GALNT1: variants seen among roughly 807,000 people sequenced by gnomAD.
The protein encoded by GALNT1 is GalNAc transferase 1.
In GALNT1, 17 loss-of-function variants were observed where a neutral mutation model predicts 65.7. The ratio of observed to expected loss-of-function variants is 0.26; its 90% confidence interval spans 0.18 to 0.39. The LOEUF is 0.39. GALNT1 is among the 10% of genes least tolerant of loss of function. The pLI is 1.00. For synonymous variants in GALNT1, 210 were observed against 219.7 expected (o/e 0.96, Z 0.39); for missense variants, 460 against 672.8 (o/e 0.68, Z 3.50).
chr18:35,618,681 A>G (rs2046815351), intron 1 of GALNT1, among the ~76,000 whole-genome samples: 1 of 152,176 alleles, frequency 6.6e-6, no homozygotes, highest in Admixed American at 6.6e-5. Context: ...AATTTACTTA[A>G]CTTTCCTATT....
intron 11 of GALNT1, among the ~76,000 whole-genome samples, 199 bp downstream of exon 11, chr18:35,703,842 A>G (rs1221884383): frequency 1.3e-5 from 2 of 152,228 alleles, no homozygotes; most frequent in Admixed American, 1.3e-4. Context: ...TTAGTCTTAT[A>G]AAATCACAGT....
intron 8 of GALNT1, 112 bp downstream of exon 8, chr18:35,691,304 T>C: frequency 1.3e-6 from 1 of 799,262 alleles, no homozygotes; most frequent in Admixed American, 3.0e-5. Flanking sequence ...AACACCTGCC[T>C]CATAAGGTCA....
At chr18:35,632,964 C>CT (rs1253676033) in intron 1 of GALNT1, among the ~76,000 whole-genome samples, 2 of 152,180 alleles carry the variant, frequency 1.3e-5, no homozygotes, top group Non-Finnish European at 2.9e-5. Context: ...CACTGGCCAT[C>CT]AGAGAAATGC....
At chr18:35,682,913 A>AG (rs1406316844) in intron 4 of GALNT1, among the ~76,000 whole-genome samples, 1 of 150,200 alleles carries the variant, frequency 6.7e-6, no homozygotes, top group African/African-American at 2.5e-5. Flanking sequence ...CTGATTAAAA[A>AG]AAAAAAAAAA....
At chr18:35,632,297 C>G (rs1278161186) in intron 1 of GALNT1, among the ~76,000 whole-genome samples, 1 of 152,186 alleles carries the variant, frequency 6.6e-6, no homozygotes. Flanking sequence ...TGACTTCAAA[C>G]TATACTACAA....
At chr18:35,581,018 C>T (rs1265967309), upstream of GALNT1, 1 of 152,144 alleles carries the variant, frequency 6.6e-6, no homozygotes, top group Admixed American at 6.5e-5. Context: ...CGCCGTCCTC[C>T]CTCAGTCCCG....
intron 1 of GALNT1, among the ~76,000 whole-genome samples, chr18:35,587,230 T>C (rs1486831429): frequency 1.3e-5 from 2 of 152,248 alleles, no homozygotes; most frequent in Admixed American, 6.5e-5. Context: ...AACCTACTTA[T>C]TAGTTCTAGG....
rs758760223 is a variant in GALNT1, at chr18:35,581,787, G to GT, written c.-179_-178insT. On this transcript the variant is annotated 5_prime_UTR_variant, in exon 1 of 12. Transcript: ENST00000269195. Reference sequence around the variant, plus strand: ...GACGGCGGCCCGAGAGTAGCGCGCTGGCCGCGGGACCGGCCGCGACCGCCG... The same window carrying GT: ...GACGGCGGCCCGAGAGTAGCGCGCTGTGCCGCGGGACCGGCCGCGACCGCCG... 1 of 142,238 alleles carries GT rather than the reference G, an allele frequency of 7.0e-6. No individual in the cohort carries two copies. 8.8% of individuals were successfully genotyped at this position (142,238 alleles called of 1,614,324 possible). A position where few individuals can be genotyped will look rare whatever the true frequency, so the allele number is the denominator to read the frequency against.
chr18:35,691,290 G>A, intron 8 of GALNT1, 98 bp downstream of exon 8: 2 of 978,986 alleles, frequency 2.0e-6, no homozygotes, highest in Non-Finnish European at 3.0e-6. Context: ...TTTGAGCAGA[G>A]GTGAACACCT....
At chr18:35,619,329 G>A (rs938352397) in intron 1 of GALNT1, among the ~76,000 whole-genome samples, 2 of 152,074 alleles carry the variant, frequency 1.3e-5, no homozygotes, top group African/African-American at 2.4e-5. Context: ...TCAAAAGGTC[G>A]CTTAAGTTAG....
intron 1 of GALNT1, among the ~76,000 whole-genome samples, chr18:35,590,423 A>G (rs1244239416): frequency 6.6e-6 from 1 of 152,162 alleles, no homozygotes; most frequent in East Asian, 1.9e-4. Flanking sequence ...TAATCTTTTG[A>G]TTGACAGCCT....
intron 1 of GALNT1, among the ~76,000 whole-genome samples, chr18:35,653,265 A>T (rs542206553): frequency 8.5e-5 from 13 of 152,362 alleles, no homozygotes; most frequent in African/African-American, 3.1e-4. Context: ...AGAGATGAGC[A>T]TAAATAATAA....
At chr18:35,642,269 A>G (rs1309584430) in intron 1 of GALNT1, among the ~76,000 whole-genome samples, 1 of 152,242 alleles carries the variant, frequency 6.6e-6, no homozygotes, top group Non-Finnish European at 1.5e-5. Context: ...AAGCCAGCGG[A>G]ATACTATTCA....
chr18:35,703,557 T>A lies in GALNT1; in HGVS notation c.1447T>A (p.Leu483Met), dbSNP rs775191976. The stretch of plus-strand genomic sequence containing the variant: ...AGAAATTAGAACAGATGACCTTTGC[T>A]TGGATGTTTCCAAACTTAATGGCCC... ...NKEIRTDDLC[L>M]DVSKLNGPVT... Residue 483 changes from leucine to methionine, a missense_variant, in exon 11 of 12, where the codon TTG becomes ATG. Transcript: ENST00000269195. 2 of 1,614,058 alleles carry A rather than the reference T, an allele frequency of 1.2e-6. No homozygotes were observed. The highest frequency in any genetic ancestry group is 3.3e-5 in the Admixed American group (2 of 60,016).
At chr18:35,646,775 A>G (rs2047237017) in intron 1 of GALNT1, among the ~76,000 whole-genome samples, 1 of 152,206 alleles carries the variant, frequency 6.6e-6, no homozygotes. Flanking sequence ...GAGTAGCATA[A>G]GTCAAGGGCT....
In GALNT1 at chr18:35,711,531, T is replaced by C. The variant is rs2048350377; in HGVS notation, c.*1761T>C. ...AAGCAGGTGCTGAATGGAATTTTTT[T>C]CCTTTTCCATGAGCTGTGTTAATTC... On this transcript the variant is annotated 3_prime_UTR_variant, in exon 12 of 12. Coordinates refer to ENST00000269195, the MANE Select transcript of GALNT1 (RefSeq NM_020474.4). The C allele has an allele frequency of 6.6e-6, 1 of 152,312 alleles. No individual in the cohort carries two copies. Among genetic ancestry groups the C allele is most frequent in the South Asian group, 2.1e-4 (1 of 4,834 alleles). 9.4% of individuals were successfully genotyped at this position (152,312 alleles called of 1,614,324 possible). A position where few individuals can be genotyped will look rare whatever the true frequency, so the allele number is the denominator to read the frequency against.
intron 9 of GALNT1, among the ~76,000 whole-genome samples, chr18:35,696,469 A>G (rs2048059423): frequency 6.6e-6 from 1 of 152,242 alleles, no homozygotes; most frequent in Non-Finnish European, 1.5e-5. Context: ...GACCTGAACA[A>G]ATGTGTTTCA....
At chr18:35,605,208 T>A (rs970067889) in intron 1 of GALNT1, among the ~76,000 whole-genome samples, 1 of 152,094 alleles carries the variant, frequency 6.6e-6, no homozygotes, top group Non-Finnish European at 1.5e-5. Flanking sequence ...TTTAACAGTG[T>A]TTTAGAAACT....
At chr18:35,675,132 C>T (rs1218691146) in intron 3 of GALNT1, among the ~76,000 whole-genome samples, 1 of 152,140 alleles carries the variant, frequency 6.6e-6, no homozygotes, top group African/African-American at 2.4e-5. Flanking sequence ...AACCCATCCC[C>T]CTACCCACTT....
Sources: allele counts gnomAD v4.1 joint callset (sites outside exome capture counted in the v4.1 genomes callset), GRCh38; gene constraint gnomAD v4.1.1; transcripts MANE v1.5; gene names NCBI Gene and HGNC (gene_info 2026-07-23, HGNC 2026-07-21).